Variants in NFXL1 observed in about 807,000 individuals in gnomAD.
NFXL1 encodes the protein nuclear transcription factor, X-box binding like 1, also known as NF-X1-type zinc finger protein NFXL1.
Under a neutral mutation model 123.3 loss-of-function variants are expected in NFXL1, and 66 were observed. The ratio of observed to expected loss-of-function variants is 0.54; its 90% CI spans 0.44 to 0.66. The LOEUF (loss-of-function observed/expected upper bound fraction) is 0.66. NFXL1 is among the 30% of genes least tolerant of loss of function. The pLI is 0.00. For missense variants in NFXL1, 944 were observed against 1,125.6 expected (o/e 0.84, Z 2.31); for synonymous variants, 346 against 360.8 (o/e 0.96, Z 0.46).
At position 47,878,544 on chromosome 4, in the gene NFXL1, C is replaced by A. The variant is rs1443972402; in HGVS notation, c.2060G>T (p.Gly687Val). Residue 687 changes from glycine (G) to valine (V), a missense_variant, in exon 17 of 23, where the codon GGC becomes GTC. Physicochemically the swap from Gly to Val is moderately radical, Grantham distance 109. This residue lies in a region of NFXL1 where 301 missense variants were observed against 348.0 expected (regional missense o/e 0.86). Coordinates refer to ENST00000507489, the MANE Select transcript of NFXL1 (RefSeq NM_001278624.2). The part of the protein sequence containing the change: ...KECHKVTKTD[G>V]CTGKNKAGPE... ...CATTACCTTGTTTTTTCCAGTGCAG[C>A]CATCAGTTTTGGTTACTTTGTGGCA... The A allele has an allele frequency of 4.4e-6, 7 of 1,584,764 alleles. No individual in the cohort carries two copies. The highest frequency in any genetic ancestry group is 6.0e-6 in the Non-Finnish European group (7 of 1,166,844).
In NFXL1 at chr4:47,898,837, T is replaced by C. The variant is rs759682443; in HGVS notation, c.1009A>G (p.Arg337Gly). Reference protein sequence around the residue: ...CHAGSCQPCPRVSRQKCVCGK... With the variant: ...CHAGSCQPCPGVSRQKCVCGK... Reference sequence around the variant, plus strand: ...CAGACACACTTTTGTCTACTAACTCTTGGACAAGGCTGACAGCTTCCTAAA... The same window carrying C: ...CAGACACACTTTTGTCTACTAACTCCTGGACAAGGCTGACAGCTTCCTAAA... The change falls in exon 8 of 23, where the codon AGA becomes GGA. Residue 337 changes from arginine to glycine, a missense_variant. This residue lies in a region of NFXL1 where 296 missense variants were observed against 395.1 expected (regional missense o/e 0.75). Coordinates refer to ENST00000507489, the MANE Select transcript of NFXL1 (RefSeq NM_001278624.2). 2.2e-5 allele frequency: 35 copies of C among 1,613,726 alleles called. No homozygotes were observed. Among genetic ancestry groups the C allele is most frequent in the Non-Finnish European group, 2.9e-5 (34 of 1,179,792 alleles).
At chr4:47,912,956 T>C (rs1013503232) in intron 2 of NFXL1, among the ~76,000 whole-genome samples, 1 of 139,294 alleles carries the variant, frequency 7.2e-6, no homozygotes, top group Non-Finnish European at 1.5e-5. Context: ...GAGCTTGCAG[T>C]GAGCCGAGAT....
At position 47,903,340 on chromosome 4, in the gene NFXL1, A is replaced by G. The variant is rs201764399; in HGVS notation, c.517-17T>C. On this transcript the variant is annotated splice_polypyrimidine_tract_variant and intron_variant, in intron 4 of 22. Transcript: ENST00000507489. ...GCTCCAAACCTAAGACAAATGTATC[A>G]GAAGTTAATATATGTTAATTTTTCT... is the stretch of plus-strand genomic sequence containing the variant. 5 of 1,473,378 alleles carry G rather than the reference A, an allele frequency of 3.4e-6. No homozygotes were observed. The African/African-American group carries it at 7.3e-5, about 22-fold the overall frequency. 91.3% of individuals were successfully genotyped at this position (1,473,378 alleles called of 1,614,324 possible).
chr4:47,895,282 G>A (rs937323562), intron 10 of NFXL1, among the ~76,000 whole-genome samples: 1 of 152,048 alleles, frequency 6.6e-6, no homozygotes, highest in Non-Finnish European at 1.5e-5. Context: ...CACTGGCTTC[G>A]ATTTAAAGTC....
intron 5 of NFXL1, among the ~76,000 whole-genome samples, chr4:47,901,628 AG>A (rs1737360250): frequency 6.6e-6 from 1 of 152,222 alleles, no homozygotes; most frequent in South Asian, 2.1e-4. Context: ...TTCAATGAAA[AG>A]AAAAATAATA....
intron 11 of NFXL1, among the ~76,000 whole-genome samples, chr4:47,892,686 C>G (rs1736850135): frequency 6.6e-6 from 1 of 152,164 alleles, no homozygotes. Flanking sequence ...TTAAAAATAT[C>G]AAGCCTCTGA....
chr4:47,904,327 C>T (rs942466933), intron 4 of NFXL1, among the ~76,000 whole-genome samples: 1 of 152,206 alleles, frequency 6.6e-6, no homozygotes, highest in Admixed American at 6.5e-5. Flanking sequence ...GGGGCTTTAA[C>T]TCCCCAGTGC....
At chr4:47,876,589 G>A (rs1286275954) in intron 17 of NFXL1, among the ~76,000 whole-genome samples, 1 of 152,120 alleles carries the variant, frequency 6.6e-6, no homozygotes, top group African/African-American at 2.4e-5. Context: ...ACAGGCCATT[G>A]AAAAGGATTT....
At chr4:47,854,730 G>A (rs1019105266) in intron 20 of NFXL1, among the ~76,000 whole-genome samples, 2 of 151,998 alleles carry the variant, frequency 1.3e-5, no homozygotes, top group Non-Finnish European at 2.9e-5. Flanking sequence ...GTTACATTGT[G>A]TTCCTTGTTC....
At chr4:47,896,960 T>G (rs1161225004) in intron 9 of NFXL1, among the ~76,000 whole-genome samples, 8 of 152,182 alleles carry the variant, frequency 5.3e-5, no homozygotes, top group Admixed American at 5.2e-4. Context: ...ATTTTCCTAA[T>G]GTAAAAATTT....
intron 17 of NFXL1, among the ~76,000 whole-genome samples, chr4:47,876,468 AT>A (rs758779160): frequency 7.9e-5 from 12 of 152,162 alleles, no homozygotes; most frequent in Non-Finnish European, 1.8e-4. Context: ...CAAATGTGGA[AT>A]GTTCAAGTAA....
intron 20 of NFXL1, among the ~76,000 whole-genome samples, chr4:47,852,664 A>G (rs755379839): frequency 6.6e-6 from 1 of 152,114 alleles, no homozygotes; most frequent in African/African-American, 2.4e-5. Context: ...CATCAAAACT[A>G]TGACCAATTT....
rs1736301986 is a variant in NFXL1, at chr4:47,884,371, G to A, written c.1891C>T (p.Pro631Ser). 1.2e-6 allele frequency: 2 copies of A among 1,604,892 alleles called. No homozygotes were observed. The part of the protein sequence containing the change: ...PAFIQTALPC[P>S]PCQVPIPMEC... ...ATAGGAATAGGAACTTGACATGGAG[G>A]ACACGGTAATGCAGTCTGAATAAAT... The change falls in exon 15 of 23, where the codon CCT becomes TCT. Residue 631 changes from proline to serine, a missense_variant. Physicochemically the swap from Pro to Ser is moderately conservative, Grantham distance 74. Coordinates refer to ENST00000507489, the MANE Select transcript of NFXL1 (RefSeq NM_001278624.2).
intron 4 of NFXL1, 47 bp from the exon 5 acceptor site, chr4:47,903,370 T>C: frequency 7.6e-7 from 1 of 1,319,292 alleles, no homozygotes; most frequent in Non-Finnish European, 1.0e-6. Context: ...TTTTCTTTGT[T>C]AATTGTAAAA....
chr4:47,853,664 A>G (rs1487274591), intron 20 of NFXL1, among the ~76,000 whole-genome samples: 1 of 152,142 alleles, frequency 6.6e-6, no homozygotes, highest in African/African-American at 2.4e-5. Context: ...ATATATATAC[A>G]TTGCCACAGC....
In NFXL1 at chr4:47,898,049, G is replaced by A. The variant is rs1030272382; in HGVS notation, c.1122C>T (p.His374=). ...CAACATGGCAAACTTGCTCACATGTGTGATTACCACATGGCAGTGTTTTTC... is the reference window on the plus strand; with the variant it reads ...CAACATGGCAAACTTGCTCACATGTATGATTACCACATGGCAGTGTTTTTC... ...VCGKTLPCGN[H]TCEQVCHVGA... is the part of the protein sequence containing the mutation. The change falls in exon 9 of 23, where the codon CAC becomes CAT. Residue 374 remains histidine (H), a synonymous_variant. Coordinates refer to ENST00000507489, the MANE Select transcript of NFXL1 (RefSeq NM_001278624.2). 5.6e-6 allele frequency: 9 copies of A among 1,611,302 alleles called. No individual in the cohort carries two copies. The highest frequency in any genetic ancestry group is 1.3e-5 in the African/African-American group (1 of 74,774).
chr4:47,863,434 C>T (rs902438927), intron 18 of NFXL1, among the ~76,000 whole-genome samples: 4 of 152,146 alleles, frequency 2.6e-5, no homozygotes, highest in Admixed American at 2.6e-4. Flanking sequence ...GTAATCCCAG[C>T]ACTTTGGGAG....
intron 21 of NFXL1, 115 bp from the exon 22 acceptor site, chr4:47,851,263 A>C (rs1442523911): frequency 2.8e-6 from 2 of 710,852 alleles, no homozygotes; most frequent in Non-Finnish European, 4.9e-6. Context: ...GGAGCTTGAA[A>C]TCATTTAAAG....
chr4:47,867,462 A>G (rs80355860), intron 18 of NFXL1, among the ~76,000 whole-genome samples: 1 of 152,262 alleles, frequency 6.6e-6, no homozygotes, highest in East Asian at 1.9e-4. Context: ...CCCAACATAT[A>G]TACAATTGAT....
Sources: allele counts gnomAD v4.1 joint callset (sites outside exome capture counted in the v4.1 genomes callset), GRCh38; gene constraint gnomAD v4.1.1; regional missense constraint gnomAD v4.1.1; transcripts MANE v1.5; gene names NCBI Gene and HGNC (gene_info 2026-07-23, HGNC 2026-07-21).